SH3GL2: variants seen among roughly 807,000 people sequenced by gnomAD.
SH3GL2 encodes the protein SH3 domain containing GRB2 like 2, endophilin A1, also known as endophilin-A1.
A neutral mutation model predicts 46.0 loss-of-function variants in SH3GL2; 24 were observed. The observed-to-expected ratio is 0.52, with a 90% CI of 0.38 to 0.73. SH3GL2 has a LOEUF of 0.73. Among genes scored for constraint, SH3GL2 ranks in the 30% least tolerant of loss-of-function variants. The pLI, the probability that SH3GL2 is intolerant of heterozygous loss-of-function variation, is 0.00. For missense variants in SH3GL2, 413 were observed against 424.2 expected (o/e 0.97, Z 0.23); for synonymous variants, 196 against 147.1 (o/e 1.33, Z -2.40).
chr9:17,796,036 A>G lies in SH3GL2; in HGVS notation c.*293A>G, dbSNP rs575531500. The G allele has an allele frequency of 4.6e-4, 165 of 357,886 alleles. 1 individual carries two copies. The highest frequency in any genetic ancestry group is 2.9e-3 in the African/African-American group (145 of 49,794). 22.2% of individuals were successfully genotyped at this position (357,886 alleles called of 1,614,324 possible). A position where few individuals can be genotyped will look rare whatever the true frequency, so the allele number is the denominator to read the frequency against. On this transcript the variant is annotated 3_prime_UTR_variant, in exon 9 of 9. Transcript: ENST00000380607. Reference sequence around the variant, plus strand: ...TCAGGAGGCTGTGGTTTCTTAGAATATGACCATGAGCCATTTCACAGAAAA... The same window carrying G: ...TCAGGAGGCTGTGGTTTCTTAGAATGTGACCATGAGCCATTTCACAGAAAA...
intron 1 of SH3GL2, among the ~76,000 whole-genome samples, chr9:17,703,020 C>A (rs565015298): frequency 6.6e-6 from 1 of 151,920 alleles, no homozygotes; most frequent in Non-Finnish European, 1.5e-5. Context: ...CTTAGGACTG[C>A]GACAGATGAT....
At position 17,596,982 on chromosome 9, in the gene SH3GL2, C is replaced by T. The variant is rs549809853; in HGVS notation, c.45+17695C>T. ...TTGATGGCTTCAATGGCAAGTGCTT[C>T]GACCTCTGAGATAAATAATTTCTGT... is the stretch of plus-strand genomic sequence containing the variant. On this transcript the variant is annotated intron_variant, in intron 1 of 8. Transcript: ENST00000380607. Among the ~76,000 whole-genome samples, 6 of 152,242 alleles carry T rather than the reference C, an allele frequency of 3.9e-5. No homozygotes were observed. In the East Asian group the frequency reaches 7.7e-4, roughly 20 times the overall value.
intron 1 of SH3GL2, among the ~76,000 whole-genome samples, chr9:17,614,556 C>T (rs1204248953): frequency 6.6e-6 from 1 of 152,094 alleles, no homozygotes; most frequent in Non-Finnish European, 1.5e-5. Context: ...GGGAAAAGGG[C>T]AGGCACCCAA....
intron 1 of SH3GL2, among the ~76,000 whole-genome samples, chr9:17,634,324 G>T (rs539227991): frequency 1.8e-4 from 27 of 151,940 alleles, no homozygotes; most frequent in African/African-American, 5.8e-4. Context: ...TTAACTATGA[G>T]AAATCAGAAA....
chr9:17,787,517 T>C lies in SH3GL2; in HGVS notation c.465+4T>C, dbSNP rs1823995876. ...CAAAGATCTTAGGGAAATTCAAGTA[T>C]GTACAATGAGTCTTCTGGAAAGTGG... On this transcript the variant is annotated splice_donor_region_variant and intron_variant, in intron 5 of 8. Transcript: ENST00000380607. The C allele has an allele frequency of 6.2e-7, 1 of 1,611,384 alleles. No individual in the cohort carries two copies. The highest frequency in any genetic ancestry group is 8.5e-7 in the Non-Finnish European group (1 of 1,178,200).
intron 1 of SH3GL2, among the ~76,000 whole-genome samples, chr9:17,720,989 A>AC (rs1821881479): frequency 6.6e-6 from 1 of 152,068 alleles, no homozygotes; most frequent in African/African-American, 2.4e-5. Flanking sequence ...GGCACATAAG[A>AC]CATGGGAAGC....
intron 1 of SH3GL2, among the ~76,000 whole-genome samples, chr9:17,647,214 A>G (rs2134657465): frequency 6.6e-6 from 1 of 152,346 alleles, no homozygotes; most frequent in East Asian, 1.9e-4. Flanking sequence ...AGGAAATGAT[A>G]GTATATTCTC....
intron 1 of SH3GL2, among the ~76,000 whole-genome samples, chr9:17,742,536 A>C (rs1822556373): frequency 6.6e-6 from 1 of 152,208 alleles, no homozygotes; most frequent in African/African-American, 2.4e-5. Context: ...TTGAAATACC[A>C]TCCCAGAGTG....
At chr9:17,729,891 C>T (rs1259697091) in intron 1 of SH3GL2, among the ~76,000 whole-genome samples, 1 of 152,120 alleles carries the variant, frequency 6.6e-6, no homozygotes, top group Non-Finnish European at 1.5e-5. Flanking sequence ...AGTCATGTGG[C>T]ATGATGCCTC....
intron 1 of SH3GL2, among the ~76,000 whole-genome samples, chr9:17,690,604 C>T (rs1289970978): frequency 6.6e-6 from 1 of 152,066 alleles, no homozygotes; most frequent in Middle Eastern, 3.2e-3. Context: ...GGTGTTAGGA[C>T]CTGTGAGTGG....
chr9:17,602,352 A>C (rs868146092), intron 1 of SH3GL2, among the ~76,000 whole-genome samples: 8 of 152,202 alleles, frequency 5.3e-5, no homozygotes, highest in Non-Finnish European at 1.2e-4. Flanking sequence ...ATGAAAACCC[A>C]GTCAGTTCAT....
At chr9:17,735,723 G>A in intron 1 of SH3GL2, 1 of 966,656 alleles carries the variant, frequency 1.0e-6, no homozygotes, top group Non-Finnish European at 1.2e-6. Context: ...GCACAGAGTT[G>A]ATTGAGGCAG....
intron 3 of SH3GL2, among the ~76,000 whole-genome samples, chr9:17,770,207 A>G (rs1231010857): frequency 6.6e-6 from 1 of 152,200 alleles, no homozygotes; most frequent in Non-Finnish European, 1.5e-5. Flanking sequence ...CATGTATAAA[A>G]TCACTGGGCT....
intron 1 of SH3GL2, among the ~76,000 whole-genome samples, chr9:17,628,444 GTGTGTGTGTA>G (rs1554631867): frequency 7.2e-6 from 1 of 139,382 alleles, no homozygotes; most frequent in African/African-American, 2.6e-5. Context: ...GTGTGTGTGT[GTGTGTGTGTA>G]TGTGCATGCA....
At chr9:17,657,234 C>G (rs1820107131) in intron 1 of SH3GL2, among the ~76,000 whole-genome samples, 1 of 152,170 alleles carries the variant, frequency 6.6e-6, no homozygotes, top group Non-Finnish European at 1.5e-5. Flanking sequence ...TTTTCAAGGG[C>G]TGCTTCTGTA....
intron 1 of SH3GL2, among the ~76,000 whole-genome samples, chr9:17,595,453 T>G (rs1588162476): frequency 6.6e-6 from 1 of 152,298 alleles, no homozygotes; most frequent in South Asian, 2.1e-4. Context: ...AGCAAGAGTA[T>G]AAGAACATGG....
intron 3 of SH3GL2, among the ~76,000 whole-genome samples, chr9:17,769,650 CG>C (rs1399100308): frequency 1.3e-5 from 2 of 152,158 alleles, no homozygotes; most frequent in Admixed American, 1.3e-4. Flanking sequence ...TTTCCTGCCC[CG>C]ACCCCTATTG....
At chr9:17,774,154 G>C (rs1335992676) in intron 3 of SH3GL2, among the ~76,000 whole-genome samples, 1 of 152,216 alleles carries the variant, frequency 6.6e-6, no homozygotes, top group African/African-American at 2.4e-5. Context: ...TTTGTGTCCT[G>C]CTACTTTGTT....
intron 3 of SH3GL2, among the ~76,000 whole-genome samples, chr9:17,770,958 C>G (rs999336000): frequency 4.6e-5 from 7 of 152,136 alleles, no homozygotes; most frequent in African/African-American, 1.4e-4. Context: ...TGCAGCCTGG[C>G]GAGACCCTGA....
Sources: allele counts gnomAD v4.1 joint callset (sites outside exome capture counted in the v4.1 genomes callset), GRCh38; gene constraint gnomAD v4.1.1; transcripts MANE v1.5; gene names NCBI Gene and HGNC (gene_info 2026-07-23, HGNC 2026-07-21).